PCF11: variants seen among roughly 807,000 people sequenced by gnomAD.
PCF11 encodes PCF11 cleavage and polyadenylation factor subunit.
PCF11 carries 19 observed loss-of-function variants against 166.1 expected under a neutral mutation model. The observed-to-expected ratio is 0.11, with a 90% CI of 0.08 to 0.17. PCF11 has a LOEUF of 0.17. Ranked by LOEUF, PCF11 falls within the 10% of genes least tolerant of loss-of-function variation. The pLI is 1.00. For synonymous variants in PCF11, 663 were observed against 644.1 expected (o/e 1.03, Z -0.44); for missense variants, 1,565 against 1,855.5 (o/e 0.84, Z 2.88).
chr11:83,167,021 A>T lies in PCF11; in HGVS notation c.1818-104A>T, dbSNP rs1860488731. On this transcript the variant is annotated intron_variant, in intron 5 of 15. Coordinates refer to ENST00000298281, the Ensembl canonical transcript of PCF11. The surrounding 1 kb of genome is among the most constrained non-coding windows in gnomAD (Gnocchi z 4.2). ...TTATTTAATTACTTTTTGTGGTTAC[A>T]TATGCCCATTTTAACCATATCCTTT... The T allele has an allele frequency of 3.3e-6, 3 of 896,652 alleles. No individual in the cohort carries two copies. Among genetic ancestry groups the T allele is most frequent in the Admixed American group, 4.8e-5 (2 of 41,246 alleles). 55.5% of individuals were successfully genotyped at this position (896,652 alleles called of 1,614,324 possible).
chr11:83,169,052 A>G, exon 8 of PCF11: 1 of 1,612,098 alleles, frequency 6.2e-7, no homozygotes, highest in Non-Finnish European at 8.5e-7. Flanking sequence ...AGATTTGATA[A>G]TCCCCGAGGT....
In PCF11 at chr11:83,180,995, T is replaced by G. The variant is rs1442781067; in HGVS notation, c.3984-13T>G. On this transcript the variant is annotated splice_polypyrimidine_tract_variant and intron_variant, in intron 11 of 15. Transcript: ENST00000298281. The stretch of plus-strand genomic sequence containing the variant: ...TATTATCAACACTAAAGATTATTTC[T>G]TTTTCAAAATAGACGTTATGACAGT... 1 of 1,471,050 alleles carries G rather than the reference T, an allele frequency of 6.8e-7. No homozygotes were observed. Among genetic ancestry groups the G allele is most frequent in the Non-Finnish European group, 9.3e-7 (1 of 1,075,976 alleles). The allele number at this position is 1,471,050 out of a possible 1,614,324, so 91.1% of individuals were successfully genotyped here.
chr11:83,179,748 C>T (rs1393404199), intron 11 of PCF11, among the ~76,000 whole-genome samples: 1 of 151,904 alleles, frequency 6.6e-6, no homozygotes, highest in African/African-American at 2.4e-5. Flanking sequence ...TAGAACCTGT[C>T]TCTACTAGAA....
exon 8 of PCF11, chr11:83,168,485 G>A (rs370476007): frequency 1.2e-5 from 19 of 1,613,244 alleles, no homozygotes; most frequent in East Asian, 2.2e-5. Flanking sequence ...AAGCGACCTC[G>A]ATATGAAGAT....
chr11:83,175,216 A>T (rs546315128), intron 9 of PCF11, among the ~76,000 whole-genome samples: 35 of 151,984 alleles, frequency 2.3e-4, no homozygotes, highest in Admixed American at 4.6e-4. Context: ...GCTCACTGCA[A>T]CCTCCTCCCA....
At chr11:83,164,510 CTTT>C (rs1319389377) in intron 4 of PCF11, 109 bp downstream of exon 4, 2 of 728,526 alleles carry the variant, frequency 2.7e-6, no homozygotes, top group African/African-American at 3.6e-5. Flanking sequence ...ATAGTGTACT[CTTT>C]TTTCACTTTT....
At position 83,167,987 on chromosome 11, in the gene PCF11, C is replaced by A; in HGVS notation, c.2093-441C>A. The A allele has an allele frequency of 2.0e-6, 2 of 1,012,068 alleles. No individual in the cohort carries two copies. Among genetic ancestry groups the A allele is most frequent in the Non-Finnish European group, 2.6e-6 (2 of 776,230 alleles). The allele number at this position is 1,012,068 out of a possible 1,614,324, so 62.7% of individuals were successfully genotyped here. ...GCTAAGTGGGGATGGATTTTTGTGA[C>A]TGTTCAGATTACCATTTTTTTTCCC... On this transcript the variant is annotated intron_variant, in intron 7 of 15. Coordinates refer to ENST00000298281, the Ensembl canonical transcript of PCF11. This position sits in a 1 kb window ranked among gnomAD's most constrained non-coding sequence, Gnocchi z 4.2.
intron 4 of PCF11, among the ~76,000 whole-genome samples, 167 bp from the exon 5 acceptor site, chr11:83,165,433 T>G (rs1208168290): frequency 6.6e-6 from 1 of 152,192 alleles, no homozygotes; most frequent in Non-Finnish European, 1.5e-5. Flanking sequence ...TCATGGACTT[T>G]TTCTTTTCAT....
At chr11:83,182,979 T>G (rs1398424513) in intron 14 of PCF11, 59 bp from the exon 15 acceptor site, 1 of 954,318 alleles carries the variant, frequency 1.0e-6, no homozygotes, top group African/African-American at 1.7e-5. Context: ...AAAAGAAATA[T>G]CAGAATAGCC....
intron 1 of PCF11, among the ~76,000 whole-genome samples, chr11:83,160,997 T>G (rs966183071): frequency 8.5e-5 from 13 of 152,184 alleles, no homozygotes; most frequent in African/African-American, 2.7e-4. Flanking sequence ...TTGGATTATA[T>G]AAAGTAATTT....
At chr11:83,173,735 T>C (rs1860777428) in intron 9 of PCF11, among the ~76,000 whole-genome samples, 1 of 129,226 alleles carries the variant, frequency 7.7e-6, no homozygotes, top group South Asian at 2.7e-4. Context: ...TTTTTTTTTT[T>C]TTTTTTTTTT....
At chr11:83,182,642 A>G (rs761469249) in intron 14 of PCF11, among the ~76,000 whole-genome samples, 151 bp downstream of exon 14, 12 of 152,156 alleles carry the variant, frequency 7.9e-5, no homozygotes, top group Non-Finnish European at 5.9e-5. Flanking sequence ...AGAATGTTTG[A>G]ATTAGAAGGG....
exon 8 of PCF11, chr11:83,169,393 A>G: frequency 6.2e-7 from 1 of 1,613,664 alleles, no homozygotes; most frequent in Non-Finnish European, 8.5e-7. Context: ...TGGCCTGAGA[A>G]TTGAAGGGCC....
intron 8 of PCF11, chr11:83,171,173 C>T (rs930745560): frequency 2.3e-5 from 9 of 384,740 alleles, no homozygotes; most frequent in Admixed American, 9.7e-5. Context: ...AGTTCTTGCT[C>T]CATGACTATT....
intron 9 of PCF11, among the ~76,000 whole-genome samples, chr11:83,172,367 C>T (rs1318153560): frequency 1.3e-5 from 2 of 152,114 alleles, no homozygotes; most frequent in African/African-American, 4.8e-5. Flanking sequence ...ATCTTTGTTA[C>T]TATGGGGTGA....
At chr11:83,168,066 T>A (rs1270902247) in intron 7 of PCF11, among the ~76,000 whole-genome samples, 168 bp downstream of exon 7, 1 of 152,220 alleles carries the variant, frequency 6.6e-6, no homozygotes, top group Non-Finnish European at 1.5e-5. Context: ...AGGGAGCTAA[T>A]ATTTCTAAGG....
chr11:83,178,374 A>G (rs1178124041), intron 11 of PCF11, among the ~76,000 whole-genome samples: 1 of 152,056 alleles, frequency 6.6e-6, no homozygotes, highest in African/African-American at 2.4e-5. Flanking sequence ...GAGTTTAAAT[A>G]TTAGGTATTG....
At chr11:83,181,384 A>ATGAATTT (rs1437696676) in intron 12 of PCF11, among the ~76,000 whole-genome samples, 193 bp downstream of exon 12, 5 of 151,520 alleles carry the variant, frequency 3.3e-5, no homozygotes, top group Admixed American at 3.3e-4. Flanking sequence ...TTTTTAAAAA[A>ATGAATTT]TGAATTTTGA....
chr11:83,158,776 A>G (rs1860109280), intron 1 of PCF11: 1 of 152,184 alleles, frequency 6.6e-6, no homozygotes, highest in Non-Finnish European at 1.5e-5. Context: ...TTGTTTAGAG[A>G]CGGTTTCTGT....
Sources: allele counts gnomAD v4.1 joint callset (sites outside exome capture counted in the v4.1 genomes callset), GRCh38; gene constraint gnomAD v4.1.1; non-coding constraint Gnocchi (gnomAD v3.1); transcripts MANE v1.5; gene names NCBI Gene and HGNC (gene_info 2026-07-23, HGNC 2026-07-21).